Variants in PIGK observed in about 807,000 individuals in gnomAD.
PIGK encodes the protein GPI-anchor transamidase.
Under a neutral mutation model 50.6 loss-of-function variants are expected in PIGK, and 42 were observed. The ratio of observed to expected loss-of-function variants is 0.83; its 90% CI spans 0.65 to 1.07. The LOEUF (loss-of-function observed/expected upper bound fraction) is 1.07, where lower values mean the gene tolerates loss of function less well. PIGK is among the 50% of genes least tolerant of loss of function. The pLI is 0.00. For missense variants in PIGK, 448 were observed against 488.7 expected (o/e 0.92, Z 0.78); for synonymous variants, 151 against 156.0 (o/e 0.97, Z 0.24).
At chr1:77,166,864 A>T (rs1337996725) in intron 4 of PIGK, 34 bp from the exon 5 acceptor site, 3 of 980,208 alleles carry the variant, frequency 3.1e-6, no homozygotes, top group Non-Finnish European at 4.8e-6. Context: ...ATCAGATGAA[A>T]TAAAACCTGG....
chr1:77,137,729 G>A (rs144190460), intron 9 of PIGK, among the ~76,000 whole-genome samples: 1,937 of 152,006 alleles, frequency 0.013, 39 homozygotes, highest in African/African-American at 0.044. Flanking sequence ...TCAGCCTCCC[G>A]AGTAGCTGGG....
In PIGK at chr1:77,189,724, TATATATATATATATATATATATATA is replaced by T. The variant is rs1164587195; in HGVS notation, c.239+16891_239+16915del. ...ATATATATATATATATATATATATA[TATATATATATATATATATATATATA>T]CACACACACACACACACACACACAC... On this transcript the variant is annotated intron_variant, in intron 3 of 10. Coordinates refer to ENST00000370812, the MANE Select transcript of PIGK (RefSeq NM_005482.3). 8.5e-5 allele frequency among the ~76,000 whole-genome samples: 6 copies of T among 70,978 alleles called. 1 individual carries two copies. Among genetic ancestry groups the T allele is most frequent in the Non-Finnish European group, 1.6e-4 (6 of 38,176 alleles). 46.6% of individuals were successfully genotyped at this position (70,978 alleles called of 152,430 possible).
intron 8 of PIGK, among the ~76,000 whole-genome samples, chr1:77,156,889 C>G (rs916887873): frequency 1.3e-5 from 2 of 152,024 alleles, no homozygotes; most frequent in Admixed American, 1.3e-4. Flanking sequence ...GTCCTTACAC[C>G]TCGCATTCAA....
intron 9 of PIGK, among the ~76,000 whole-genome samples, chr1:77,137,428 T>C (rs1654544521): frequency 6.6e-6 from 1 of 152,252 alleles, no homozygotes; most frequent in African/African-American, 2.4e-5. Flanking sequence ...ATAATATGTC[T>C]ATTATTTAAT....
chr1:77,192,946 T>C (rs1655943749), intron 3 of PIGK, among the ~76,000 whole-genome samples: 2 of 152,176 alleles, frequency 1.3e-5, no homozygotes, highest in African/African-American at 4.8e-5. Context: ...TAAAACCATA[T>C]CTGAATTTCA....
chr1:77,121,808 G>C (rs906594509), intron 10 of PIGK, among the ~76,000 whole-genome samples: 4 of 152,188 alleles, frequency 2.6e-5, no homozygotes, highest in Non-Finnish European at 5.9e-5. Context: ...AATTGGAAAT[G>C]AACAAATTGC....
intron 9 of PIGK, among the ~76,000 whole-genome samples, chr1:77,140,809 T>A (rs1015620550): frequency 1.3e-5 from 2 of 152,202 alleles, no homozygotes; most frequent in Admixed American, 1.3e-4. Flanking sequence ...AGAGAAATCA[T>A]TGTGAATATC....
At chr1:77,184,814 G>A (rs1171103443) in intron 3 of PIGK, among the ~76,000 whole-genome samples, 8 of 152,162 alleles carry the variant, frequency 5.3e-5, no homozygotes, top group Admixed American at 5.2e-4. Context: ...CAGTGGGAAA[G>A]ACCAAATGGA....
intron 10 of PIGK, among the ~76,000 whole-genome samples, chr1:77,115,617 T>G (rs186035237): frequency 6.6e-6 from 1 of 152,150 alleles, no homozygotes; most frequent in Admixed American, 6.5e-5. Flanking sequence ...CAGGATACTG[T>G]ATGAACTGGT....
At chr1:77,189,551 T>A (rs1570251435) in intron 3 of PIGK, among the ~76,000 whole-genome samples, 1 of 152,050 alleles carries the variant, frequency 6.6e-6, no homozygotes, top group African/African-American at 2.4e-5. Flanking sequence ...CCAGCTGACA[T>A]CTTTCTCCCA....
chr1:77,142,466 T>C (rs1402796512), intron 9 of PIGK, among the ~76,000 whole-genome samples: 2 of 152,126 alleles, frequency 1.3e-5, no homozygotes, highest in African/African-American at 4.8e-5. Context: ...AGATAAAGTA[T>C]CTGAGTCTTA....
At position 77,161,415 on chromosome 1, in the gene PIGK, G is replaced by A. The variant is rs1421091716; in HGVS notation, c.703-10C>T. 2.9e-6 allele frequency: 4 copies of A among 1,402,034 alleles called. No homozygotes were observed. The highest frequency in any genetic ancestry group is 1.4e-5 in the African/African-American group (1 of 70,392). 86.8% of individuals were successfully genotyped at this position (1,402,034 alleles called of 1,614,324 possible). On this transcript the variant is annotated splice_polypyrimidine_tract_variant and intron_variant, in intron 7 of 10. Coordinates refer to ENST00000370812, the MANE Select transcript of PIGK (RefSeq NM_005482.3). ...CAGGATCAGGTTGATGCTATGGAAA[G>A]GGGGAAAAAAAGTATTTCTAACAGT... is the stretch of plus-strand genomic sequence containing the variant.
chr1:77,166,660 C>A, intron 5 of PIGK, 59 bp downstream of exon 5: 2 of 817,136 alleles, frequency 2.4e-6, no homozygotes, highest in Non-Finnish European at 3.9e-6. Context: ...TTCCATTTGC[C>A]TTTCTTTTCA....
rs919852249 is a variant in PIGK at position 77,122,485 on chromosome 1, T to C, written c.987-126A>G. 6.6e-6 allele frequency: 4 copies of C among 604,816 alleles called. No homozygotes were observed. The African/African-American group carries it at 7.5e-5, about 11-fold the overall frequency. The allele number at this position is 604,816 out of a possible 1,614,324, so 37.5% of individuals were successfully genotyped here. On this transcript the variant is annotated intron_variant, in intron 9 of 10. Coordinates refer to ENST00000370812, the MANE Select transcript of PIGK (RefSeq NM_005482.3). ...GATTTTTTTTGAAATAATCAGTATTTATCAATAATCTTTGAAACACTACCA... is the reference window on the plus strand; with the variant it reads ...GATTTTTTTTGAAATAATCAGTATTCATCAATAATCTTTGAAACACTACCA...
chr1:77,158,432 G>T (rs1655062468), intron 8 of PIGK, among the ~76,000 whole-genome samples: 1 of 152,056 alleles, frequency 6.6e-6, no homozygotes, highest in African/African-American at 2.4e-5. Flanking sequence ...CTGCTATTAA[G>T]ATACCCGAAA....
intron 3 of PIGK, among the ~76,000 whole-genome samples, chr1:77,201,928 C>T (rs962533175): frequency 5.9e-5 from 9 of 151,500 alleles, no homozygotes; most frequent in South Asian, 2.1e-4. Context: ...CATGGTGGTG[C>T]GCACCTGTAG....
At chr1:77,106,308 T>C (rs1653671228) in intron 10 of PIGK, among the ~76,000 whole-genome samples, 1 of 152,174 alleles carries the variant, frequency 6.6e-6, no homozygotes, top group Non-Finnish European at 1.5e-5. Context: ...ATCCTCCTTC[T>C]GAGATACATA....
chr1:77,138,364 G>A (rs746771038), intron 9 of PIGK, among the ~76,000 whole-genome samples: 1 of 152,202 alleles, frequency 6.6e-6, no homozygotes, highest in Non-Finnish European at 1.5e-5. Flanking sequence ...CTTTGGAGGG[G>A]CCATGAGGCA....
intron 10 of PIGK, among the ~76,000 whole-genome samples, chr1:77,118,237 C>T (rs1441098102): frequency 6.6e-6 from 1 of 152,042 alleles, no homozygotes; most frequent in Non-Finnish European, 1.5e-5. Context: ...TCTGCCTTTT[C>T]TTTTCTTTCT....
Sources: allele counts gnomAD v4.1 joint callset (sites outside exome capture counted in the v4.1 genomes callset), GRCh38; gene constraint gnomAD v4.1.1; transcripts MANE v1.5; gene names NCBI Gene and HGNC (gene_info 2026-07-23, HGNC 2026-07-21).